MBOAT1: variants seen among roughly 807,000 people sequenced by gnomAD.
MBOAT1 encodes the protein membrane-bound glycerophospholipid O-acyltransferase 1.
MBOAT1 carries 67 observed loss-of-function variants against 64.4 expected under a neutral mutation model. The ratio of observed to expected loss-of-function variants is 1.04; its 90% CI spans 0.85 to 1.27. The LOEUF is 1.27. MBOAT1 is among the 50% of genes most tolerant of loss of function. The pLI is 0.00. For synonymous variants in MBOAT1, 229 were observed against 218.9 expected (o/e 1.05, Z -0.41); for missense variants, 563 against 604.6 (o/e 0.93, Z 0.72).
chr6:20,173,556 A>G (rs985302781), intron 1 of MBOAT1, among the ~76,000 whole-genome samples: 11 of 152,220 alleles, frequency 7.2e-5, no homozygotes, highest in African/African-American at 2.4e-4. Flanking sequence ...AGAAAGACAT[A>G]TAAGAGATTT....
chr6:20,125,097 G>T lies in MBOAT1; in HGVS notation c.715-497C>A, dbSNP rs147204773. 3.3e-5 allele frequency among the ~76,000 whole-genome samples: 5 copies of T among 152,230 alleles called. No homozygotes were observed. In the East Asian group the frequency reaches 7.7e-4, roughly 24 times the overall value. ...AGCCAGGACATGGGCAGGTAATGGG[G>T]AGCTCTAGAAAGCCTTCCAGGGTGG... On this transcript the variant is annotated intron_variant, in intron 7 of 12. Coordinates refer to ENST00000324607, the MANE Select transcript of MBOAT1 (RefSeq NM_001080480.3).
chr6:20,208,159 T>C (rs567448293), intron 1 of MBOAT1, among the ~76,000 whole-genome samples: 23 of 152,114 alleles, frequency 1.5e-4, no homozygotes, highest in African/African-American at 5.3e-4. Flanking sequence ...AAAGAAACTT[T>C]GTAGTCGGCC....
At chr6:20,128,564 A>C in intron 6 of MBOAT1, 135 bp downstream of exon 6, 1 of 625,828 alleles carries the variant, frequency 1.6e-6, no homozygotes, top group Non-Finnish European at 2.6e-6. Context: ...GCACATGTCC[A>C]TCAATAGCAG....
At chr6:20,209,273 G>T (rs1763352084) in intron 1 of MBOAT1, among the ~76,000 whole-genome samples, 1 of 152,148 alleles carries the variant, frequency 6.6e-6, no homozygotes, top group South Asian at 2.1e-4. Flanking sequence ...TGCGCTATTT[G>T]TCTCTAATTA....
At chr6:20,104,040 C>A (rs191069729) in intron 12 of MBOAT1, among the ~76,000 whole-genome samples, 1 of 152,198 alleles carries the variant, frequency 6.6e-6, no homozygotes, top group East Asian at 1.9e-4. Flanking sequence ...TTTACTGTAC[C>A]TTCTCTATGT....
intron 1 of MBOAT1, among the ~76,000 whole-genome samples, chr6:20,195,605 C>CTGTGTGTGTGTGTGTG (rs10540923): frequency 1.3e-5 from 2 of 149,536 alleles, no homozygotes; most frequent in African/African-American, 4.9e-5. Flanking sequence ...AATAAATTGC[C>CTGTGTGTGTGTGTGTG]TGTGTGTGTG....
Position 20,113,916 on chromosome 6 carries a change from C to T in MBOAT1, c.1077-908G>A, listed in dbSNP as rs951916511. On this transcript the variant is annotated intron_variant, in intron 10 of 12. Transcript: ENST00000324607. The stretch of plus-strand genomic sequence containing the variant: ...CACTGTATGGGTGGTCAACAGTAAC[C>T]GATTTAAACACAAACTAAGCACTAT... Among the ~76,000 whole-genome samples the T allele has an allele frequency of 1.1e-4, 17 of 151,900 alleles. No individual in the cohort carries two copies. In the South Asian group the frequency reaches 2.3e-3, roughly 20 times the overall value.
At chr6:20,208,896 CG>C (rs1763341163) in intron 1 of MBOAT1, among the ~76,000 whole-genome samples, 1 of 152,164 alleles carries the variant, frequency 6.6e-6, no homozygotes, top group African/African-American at 2.4e-5. Context: ...GACATAATGA[CG>C]TAACTGTGCA....
intron 1 of MBOAT1, among the ~76,000 whole-genome samples, chr6:20,190,337 T>C (rs1164101860): frequency 1.3e-5 from 2 of 152,174 alleles, no homozygotes; most frequent in African/African-American, 4.8e-5. Flanking sequence ...GTTTAAAAAA[T>C]ATAAATGTAA....
chr6:20,143,582 C>G (rs535909353), intron 4 of MBOAT1, among the ~76,000 whole-genome samples: 2 of 152,184 alleles, frequency 1.3e-5, no homozygotes, highest in African/African-American at 4.8e-5. Flanking sequence ...GTGGAAAGAA[C>G]CACAGACCTG....
At chr6:20,151,365 A>G in intron 2 of MBOAT1, 103 bp from the exon 3 acceptor site, 1 of 720,176 alleles carries the variant, frequency 1.4e-6, no homozygotes, top group South Asian at 1.8e-5. Flanking sequence ...TGCCAAAAAC[A>G]CAAATGATCA....
At chr6:20,122,533 T>C (rs753613943) in intron 8 of MBOAT1, among the ~76,000 whole-genome samples, 1 of 152,184 alleles carries the variant, frequency 6.6e-6, no homozygotes, top group Non-Finnish European at 1.5e-5. Flanking sequence ...ATTTCCCTCA[T>C]TGTAAATTTT....
rs1157465011 is a variant in MBOAT1, at chr6:20,109,628, A to G, written c.1331T>C (p.Leu444Ser). 1 of 1,613,896 alleles carries G rather than the reference A, an allele frequency of 6.2e-7. No individual in the cohort carries two copies. The highest frequency in any genetic ancestry group is 1.1e-5 in the South Asian group (1 of 91,058). ...VSYTVAPFVM[L>S]AVEPTISLYK... ...TAAGCTGATGGTCGGTTCAACTGCC[A>G]ACATCACAAAGGGTGCTACCGTGTA... Residue 444 changes from leucine (L) to serine (S), a missense_variant, in exon 12 of 13, where the codon TTG (leucine) becomes TCG (serine). Physicochemically the swap from Leu to Ser is moderately radical, Grantham distance 145. Coordinates refer to ENST00000324607, the MANE Select transcript of MBOAT1 (RefSeq NM_001080480.3).
intron 1 of MBOAT1, among the ~76,000 whole-genome samples, chr6:20,176,321 A>G (rs1288358818): frequency 6.6e-6 from 1 of 152,112 alleles, no homozygotes; most frequent in Middle Eastern, 3.2e-3. Context: ...CATACAGGCC[A>G]ATAGATGGAA....
At chr6:20,169,252 A>G (rs1427692233) in intron 1 of MBOAT1, among the ~76,000 whole-genome samples, 1 of 152,218 alleles carries the variant, frequency 6.6e-6, no homozygotes. Flanking sequence ...GGTGTGGCCA[A>G]TTATCTCAGA....
At chr6:20,129,940 A>C (rs1162003355) in intron 5 of MBOAT1, among the ~76,000 whole-genome samples, 1 of 152,140 alleles carries the variant, frequency 6.6e-6, no homozygotes, top group Non-Finnish European at 1.5e-5. Flanking sequence ...CCCTAGAAAG[A>C]CTCCATCCTT....
chr6:20,117,145 A>G (rs577743235), intron 9 of MBOAT1, among the ~76,000 whole-genome samples: 11 of 152,326 alleles, frequency 7.2e-5, no homozygotes, highest in African/African-American at 2.6e-4. Flanking sequence ...GACCAATAGT[A>G]AAAACATTAT....
intron 1 of MBOAT1, among the ~76,000 whole-genome samples, chr6:20,205,873 A>G (rs928370011): frequency 1.3e-5 from 2 of 151,854 alleles, no homozygotes; most frequent in Non-Finnish European, 2.9e-5. Context: ...ACTGGACACC[A>G]CCTCATCAGG....
At chr6:20,136,461 A>G (rs1760994906) in intron 4 of MBOAT1, among the ~76,000 whole-genome samples, 1 of 152,262 alleles carries the variant, frequency 6.6e-6, no homozygotes, top group South Asian at 2.1e-4. Context: ...AGCATGAAAA[A>G]GAAACATGAA....
Sources: allele counts gnomAD v4.1 joint callset (sites outside exome capture counted in the v4.1 genomes callset), GRCh38; gene constraint gnomAD v4.1.1; transcripts MANE v1.5; gene names NCBI Gene and HGNC (gene_info 2026-07-23, HGNC 2026-07-21).